The following PTGER3 variants were observed in gnomAD, a reference collection of about 807,000 sequenced individuals.
The protein encoded by PTGER3 is prostaglandin E receptor 3.
PTGER3 carries 22 observed loss-of-function variants against 34.7 expected under a neutral mutation model. The ratio of observed to expected loss-of-function variants is 0.63; its 90% confidence interval spans 0.45 to 0.91. The LOEUF is 0.91. Ranked by LOEUF, PTGER3 falls within the 40% of genes least tolerant of loss-of-function variation. PTGER3 has a pLI of 0.00. For synonymous variants in PTGER3, 241 were observed against 230.1 expected, an observed-to-expected ratio of 1.05 and a Z score of -0.43; for missense variants, 468 against 519.4, an observed-to-expected ratio of 0.90 and a Z score of 0.96.
At chr1:70,862,043 A>G (rs1409085311) in intron 4 of PTGER3, among the ~76,000 whole-genome samples, 1 of 151,932 alleles carries the variant, frequency 6.6e-6, no homozygotes, top group Non-Finnish European at 1.5e-5. Flanking sequence ...ATTGAGAATA[A>G]TTGAATAAAA....
intron 1 of PTGER3, among the ~76,000 whole-genome samples, chr1:71,022,735 GCACACA>G (rs369342182): frequency 6.7e-6 from 1 of 149,352 alleles, no homozygotes; most frequent in Non-Finnish European, 1.5e-5. Flanking sequence ...ATATACACAG[GCACACA>G]CACACACATA....
At chr1:70,982,033 G>A (rs1387727815) in intron 2 of PTGER3, among the ~76,000 whole-genome samples, 1 of 152,062 alleles carries the variant, frequency 6.6e-6, no homozygotes, top group East Asian at 1.9e-4. Flanking sequence ...GGACTATACT[G>A]GACAGAGGTG....
intron 4 of PTGER3, among the ~76,000 whole-genome samples, chr1:70,859,431 A>C (rs1645879948): frequency 1.3e-5 from 2 of 151,974 alleles, no homozygotes; most frequent in Non-Finnish European, 2.9e-5. Flanking sequence ...CAATGGCTTC[A>C]CCTGTGTTCC....
chr1:70,934,020 A>T (rs1430076265), intron 4 of PTGER3, among the ~76,000 whole-genome samples: 1 of 152,146 alleles, frequency 6.6e-6, no homozygotes, highest in Non-Finnish European at 1.5e-5. Context: ...CTGAGAATAA[A>T]ATCTTCAAAT....
In PTGER3 at chr1:70,895,990, G is replaced by T. The variant is rs35836011; in HGVS notation, c.*24-43131C>A. Reference sequence around the variant, plus strand: ...TGCAGTGCATATGTGCATGTTGTCTGGTGTAAGATTCCAGCTACTCTTTCT... The same window carrying T: ...TGCAGTGCATATGTGCATGTTGTCTTGTGTAAGATTCCAGCTACTCTTTCT... On this transcript the variant is annotated intron_variant, in intron 4 of 4. Transcript: ENST00000370931. Among the ~76,000 whole-genome samples the T allele has an allele frequency of 7.0e-4, 106 of 152,276 alleles. 1 individual carries two copies. The East Asian group carries it at 0.018, about 27-fold the overall frequency.
Position 71,009,970 on chromosome 1 carries a change from G to A in PTGER3, c.1077+2335C>T, listed in dbSNP as rs1451945165. The A allele has an allele frequency of 7.1e-6, 7 of 984,808 alleles. No individual in the cohort carries two copies. The African/African-American group carries it at 8.8e-5, about 12-fold the overall frequency. The allele number at this position is 984,808 out of a possible 1,614,324, so 61.0% of individuals were successfully genotyped here. A position where few individuals can be genotyped will look rare whatever the true frequency, so the allele number is the denominator to read the frequency against. Reference sequence around the variant, plus strand: ...TCTTATCAGGTTTCCCCATACTAACGAATGCCTAGATAATAAAACTCATAT... The same window carrying A: ...TCTTATCAGGTTTCCCCATACTAACAAATGCCTAGATAATAAAACTCATAT... On this transcript the variant is annotated intron_variant, in intron 2 of 3. Transcript: ENST00000306666.
chr1:70,913,970 A>G (rs1647118362), intron 4 of PTGER3, among the ~76,000 whole-genome samples: 1 of 151,906 alleles, frequency 6.6e-6, no homozygotes, highest in Non-Finnish European at 1.5e-5. Context: ...GTATCAGAGT[A>G]ATGCCAGCTT....
intron 4 of PTGER3, among the ~76,000 whole-genome samples, chr1:70,913,699 A>AT (rs1051029595): frequency 2.0e-5 from 3 of 151,556 alleles, no homozygotes; most frequent in East Asian, 1.9e-4. Flanking sequence ...ATAAATATAG[A>AT]TTTTTTTTCG....
At chr1:70,876,858 C>T (rs57313668) in intron 4 of PTGER3, among the ~76,000 whole-genome samples, 1 of 152,092 alleles carries the variant, frequency 6.6e-6, no homozygotes, top group African/African-American at 2.4e-5. Flanking sequence ...ATTACTGTAG[C>T]CTTGTAGTAT....
intron 4 of PTGER3, among the ~76,000 whole-genome samples, chr1:70,901,200 A>T (rs1355634318): frequency 6.6e-6 from 1 of 152,194 alleles, no homozygotes; most frequent in African/African-American, 2.4e-5. Context: ...CTGCTTTTGG[A>T]GTGGGGCAGG....
At chr1:70,918,461 G>A (rs1212178068) in intron 4 of PTGER3, among the ~76,000 whole-genome samples, 2 of 151,958 alleles carry the variant, frequency 1.3e-5, no homozygotes, top group Admixed American at 6.6e-5. Context: ...ATAAAGTGGA[G>A]ACTACCTACA....
At chr1:70,856,272 A>G (rs953709532) in intron 4 of PTGER3, among the ~76,000 whole-genome samples, 4 of 152,156 alleles carry the variant, frequency 2.6e-5, no homozygotes, top group Non-Finnish European at 1.5e-5. Context: ...TATTGAAGAC[A>G]TAAAAAAGCT....
At chr1:70,928,885 A>G (rs1178297812) in intron 4 of PTGER3, among the ~76,000 whole-genome samples, 1 of 151,526 alleles carries the variant, frequency 6.6e-6, no homozygotes, top group Non-Finnish European at 1.5e-5. Context: ...ACACACACAC[A>G]CACACACACA....
chr1:70,855,522 AAATT>A (rs1371829994), intron 4 of PTGER3, among the ~76,000 whole-genome samples: 1 of 152,236 alleles, frequency 6.6e-6, no homozygotes, highest in African/African-American at 2.4e-5. Flanking sequence ...ATAAATAAAT[AAATT>A]AGTTCTGTGA....
rs180683763 is a variant in PTGER3 at position 70,946,849 on chromosome 1, A to T, written c.*23+6914T>A. On this transcript the variant is annotated intron_variant, in intron 4 of 4. Transcript: ENST00000370931. ...CCAGGAATCAGATATGCATGCTCAC[A>T]GGTCTTATGTTCCCGGTTCTGCTAT... 3.0e-4 allele frequency among the ~76,000 whole-genome samples: 46 copies of T among 152,230 alleles called. No individual in the cohort carries two copies. In the East Asian group the frequency reaches 8.3e-3, roughly 27 times the overall value.
intron 4 of PTGER3, among the ~76,000 whole-genome samples, chr1:70,891,271 T>G (rs1646611519): frequency 6.6e-6 from 1 of 152,186 alleles, no homozygotes; most frequent in African/African-American, 2.4e-5. Flanking sequence ...AATGAAAAAA[T>G]AAAGACACAA....
chr1:70,880,282 AT>A (rs946016646), intron 4 of PTGER3, among the ~76,000 whole-genome samples: 1 of 152,036 alleles, frequency 6.6e-6, no homozygotes, highest in Non-Finnish European at 1.5e-5. Flanking sequence ...GCAGTAACAA[AT>A]TCCCTTAGCA....
intron 2 of PTGER3, among the ~76,000 whole-genome samples, chr1:70,976,799 T>C (rs1653751144): frequency 6.6e-6 from 1 of 152,094 alleles, no homozygotes; most frequent in Admixed American, 6.6e-5. Flanking sequence ...CCTGAAAGTA[T>C]AAGGATAAGC....
At chr1:70,896,783 C>T (rs1231438483) in intron 4 of PTGER3, among the ~76,000 whole-genome samples, 5 of 152,138 alleles carry the variant, frequency 3.3e-5, no homozygotes, top group African/African-American at 1.2e-4. Flanking sequence ...AATTTTTTGA[C>T]TAGGCGTTAG....
Sources: gnomAD v4.1 joint callset for allele counts (sites outside exome capture counted in the v4.1 genomes callset) on GRCh38, gnomAD v4.1.1 for gene constraint, MANE v1.5 for transcripts, NCBI Gene and HGNC (gene_info 2026-07-23, HGNC 2026-07-21) for gene names.